UBE2O: variants seen among roughly 807,000 people sequenced by gnomAD.
The protein encoded by UBE2O is ubiquitin conjugating enzyme E2 O, also known as (E3-independent) E2 ubiquitin-conjugating enzyme.
A neutral mutation model predicts 125.8 loss-of-function variants in UBE2O; 15 were observed. The observed-to-expected ratio is 0.12, with a 90% CI of 0.08 to 0.18. UBE2O has a LOEUF of 0.18. Among genes scored for constraint, UBE2O ranks in the 10% least tolerant of loss-of-function variants. UBE2O has a pLI of 1.00. For missense variants in UBE2O, 1,280 were observed against 1,723.6 expected (o/e 0.74, Z 4.56); for synonymous variants, 708 against 703.2 (o/e 1.01, Z -0.11).
Position 76,398,337 on chromosome 17 carries a change from TG to T in UBE2O, c.1942del (p.His648ThrfsTer63). ...EDVSVYDIAD[H>X]PDFRFRTTDI... The stretch of plus-strand genomic sequence containing the variant: ...AGTTGTACGGAACCTAAAGTCAGGG[TG>T]GTCAGCAATGTCGTAAACACTCACA... On this transcript the variant is annotated frameshift_variant, in exon 12 of 18. Transcript: ENST00000319380. LOFTEE classifies it high-confidence loss of function. This position sits in a 1 kb window ranked among gnomAD's most constrained non-coding sequence, Gnocchi z 5.4. 6.2e-7 allele frequency: 1 copy of T among 1,614,058 alleles called. No homozygotes were observed. The highest frequency in any genetic ancestry group is 1.3e-5 in the African/African-American group (1 of 74,984).
chr17:76,437,449 C>CAA (rs549634787), intron 1 of UBE2O, among the ~76,000 whole-genome samples: 1,615 of 58,344 alleles, frequency 0.028, 43 homozygotes, highest in African/African-American at 0.087. Flanking sequence ...GATTCCATCT[C>CAA]AAAAAAAAAA....
At position 76,402,624 on chromosome 17, in the gene UBE2O, G is replaced by A. The variant is rs762478509; in HGVS notation, c.664C>T (p.Leu222=). The A allele has an allele frequency of 5.0e-6, 8 of 1,614,144 alleles. No homozygotes were observed. Among genetic ancestry groups the A allele is most frequent in the East Asian group, 2.2e-5 (1 of 44,888 alleles). The change falls in exon 4 of 18, where the codon CTG becomes TTG. Residue 222 remains leucine (L), a synonymous_variant. Transcript: ENST00000319380. The surrounding 1 kb of genome is among the most constrained non-coding windows in gnomAD (Gnocchi z 5.4). The part of the protein sequence containing the change: ...KVYDLKNQII[L]KLSNGARCSM... ...TACCTGGCGCCGTTGGATAGCTTCAGGATGATCTGGTTCTTCAAGTCGTAG... is the reference window on the plus strand; with the variant it reads ...TACCTGGCGCCGTTGGATAGCTTCAAGATGATCTGGTTCTTCAAGTCGTAG...
At chr17:76,414,973 A>C (rs899474901) in intron 1 of UBE2O, among the ~76,000 whole-genome samples, 2 of 152,230 alleles carry the variant, frequency 1.3e-5, no homozygotes, top group Non-Finnish European at 2.9e-5. Context: ...CTCCTTCCTC[A>C]AAAGTATAAG....
rs1048911238 is a variant in UBE2O, at chr17:76,405,874, C to G, written c.418-302G>C. 2.0e-5 allele frequency among the ~76,000 whole-genome samples: 3 copies of G among 152,206 alleles called. No individual in the cohort carries two copies. Among genetic ancestry groups the G allele is most frequent in the Admixed American group, 2.0e-4 (3 of 15,292 alleles). On this transcript the variant is annotated intron_variant, in intron 1 of 17. Transcript: ENST00000319380. This position sits in a 1 kb window ranked among gnomAD's most constrained non-coding sequence, Gnocchi z 6.1. Reference sequence around the variant, plus strand: ...TGAACAGTGCAGCTCAATGACAGATCACATAAGGCTGCACTTTAATGAAGG... The same window carrying G: ...TGAACAGTGCAGCTCAATGACAGATGACATAAGGCTGCACTTTAATGAAGG...
At chr17:76,436,993 C>T (rs879462835) in intron 1 of UBE2O, among the ~76,000 whole-genome samples, 3 of 152,062 alleles carry the variant, frequency 2.0e-5, no homozygotes, top group Admixed American at 2.0e-4. Context: ...ACAACAACAA[C>T]AAAACAATTA....
At chr17:76,403,851 C>G (rs531138680) in intron 3 of UBE2O, among the ~76,000 whole-genome samples, 1 of 152,072 alleles carries the variant, frequency 6.6e-6, no homozygotes, top group African/African-American at 2.4e-5. Context: ...CTTAAAAAAC[C>G]AACAAAAAGG....
chr17:76,410,664 G>A lies in UBE2O; in HGVS notation c.418-5092C>T, dbSNP rs1260798347. On this transcript the variant is annotated intron_variant, in intron 1 of 17. Coordinates refer to ENST00000319380, the MANE Select transcript of UBE2O (RefSeq NM_022066.4). The surrounding 1 kb of genome is among the most constrained non-coding windows in gnomAD (Gnocchi z 4.0). ...ACGTGGCAGGAGGCTGGGCACTTCTGTTGTGCCCCATTTGAGCTCCCCGAA... is the reference window on the plus strand; with the variant it reads ...ACGTGGCAGGAGGCTGGGCACTTCTATTGTGCCCCATTTGAGCTCCCCGAA... Among the ~76,000 whole-genome samples the A allele has an allele frequency of 6.6e-6, 1 of 152,162 alleles. No individual in the cohort carries two copies. Among genetic ancestry groups the A allele is most frequent in the African/African-American group, 2.4e-5 (1 of 41,440 alleles).
In UBE2O at chr17:76,395,938, G is replaced by A. The variant is rs1314813504; in HGVS notation, c.2810-77C>T. On this transcript the variant is annotated intron_variant, in intron 14 of 17. Coordinates refer to ENST00000319380, the MANE Select transcript of UBE2O (RefSeq NM_022066.4). The surrounding 1 kb of genome is among the most constrained non-coding windows in gnomAD (Gnocchi z 5.0). ...CATCTGCCAACCTGGCTGGACAGGT[G>A]AGCACACCCACAGACTTCCCACTCG... 1.3e-6 allele frequency: 2 copies of A among 1,586,404 alleles called. No homozygotes were observed. Among genetic ancestry groups the A allele is most frequent in the Admixed American group, 3.4e-5 (2 of 58,194 alleles).
At chr17:76,418,136 C>T (rs1294592600) in intron 1 of UBE2O, among the ~76,000 whole-genome samples, 3 of 152,116 alleles carry the variant, frequency 2.0e-5, no homozygotes, top group African/African-American at 7.2e-5. Flanking sequence ...CCCTGGGACG[C>T]CCTGAAGAAG....
rs755114691 is a variant in UBE2O, at chr17:76,391,391, G to T, written c.3431C>A (p.Ser1144Tyr). 1.2e-6 allele frequency: 2 copies of T among 1,613,434 alleles called. No individual in the cohort carries two copies. Among genetic ancestry groups the T allele is most frequent in the South Asian group, 2.2e-5 (2 of 91,082 alleles). ...GGWRLVNRIE[S>Y]WLETHALLEK... ...CAGCAGGGCATGGGTTTCCAGCCAG[G>T]ACTCGATACGGTTCACCAGCCGCCA... is the stretch of plus-strand genomic sequence containing the variant. The change falls in exon 18 of 18, where the codon TCC becomes TAC. Residue 1144 changes from serine to tyrosine, a missense_variant. This residue lies in a region of UBE2O where 233 missense variants were observed against 279.0 expected (regional missense o/e 0.84). Transcript: ENST00000319380. The surrounding 1 kb of genome is among the most constrained non-coding windows in gnomAD (Gnocchi z 8.4).
chr17:76,409,674 G>GTT (rs1476685588), intron 1 of UBE2O, among the ~76,000 whole-genome samples: 1 of 152,168 alleles, frequency 6.6e-6, no homozygotes, highest in Admixed American at 6.5e-5. Context: ...GATTACAGGC[G>GTT]TGAGCCACCG....
chr17:76,408,649 ACT>A (rs936483122), intron 1 of UBE2O, among the ~76,000 whole-genome samples: 38 of 152,362 alleles, frequency 2.5e-4, no homozygotes, highest in African/African-American at 7.7e-4. Context: ...AATGGTGGCC[ACT>A]GACTGCGGAT....
Position 76,396,854 on chromosome 17 carries a change from G to T in UBE2O, c.2116-33C>A, listed in dbSNP as rs1378219194. The T allele has an allele frequency of 2.6e-6, 4 of 1,538,842 alleles. No homozygotes were observed. In the East Asian group the frequency reaches 9.1e-5, roughly 35 times the overall value. ...CAGAAGGGAAGTGCCAGGGTAAGCAGACAGGAAGTCACCTCCCCACCACTA... is the reference window on the plus strand; with the variant it reads ...CAGAAGGGAAGTGCCAGGGTAAGCATACAGGAAGTCACCTCCCCACCACTA... On this transcript the variant is annotated intron_variant, in intron 13 of 17. Transcript: ENST00000319380. The surrounding 1 kb of genome is among the most constrained non-coding windows in gnomAD (Gnocchi z 6.7).
In UBE2O at chr17:76,452,052, T is replaced by C. The variant is rs2073254479; in HGVS notation, c.417+673A>G. On this transcript the variant is annotated intron_variant, in intron 1 of 17. Coordinates refer to ENST00000319380, the MANE Select transcript of UBE2O (RefSeq NM_022066.4). The surrounding 1 kb of genome is among the most constrained non-coding windows in gnomAD (Gnocchi z 4.4). Reference sequence around the variant, plus strand: ...GATTATTTTTTTCAAGGAGTCCATATGCACTTAGGAGTCATCAATCCCGGT... The same window carrying C: ...GATTATTTTTTTCAAGGAGTCCATACGCACTTAGGAGTCATCAATCCCGGT... Among the ~76,000 whole-genome samples the C allele has an allele frequency of 1.3e-5, 2 of 152,062 alleles. No individual in the cohort carries two copies. The highest frequency in any genetic ancestry group is 4.8e-5 in the African/African-American group (2 of 41,378).
chr17:76,400,640 G>T lies in UBE2O; in HGVS notation c.895-90C>A. 1 of 843,568 alleles carries T rather than the reference G, an allele frequency of 1.2e-6. No individual in the cohort carries two copies. The highest frequency in any genetic ancestry group is 1.9e-6 in the Non-Finnish European group (1 of 538,626). The allele number at this position is 843,568 out of a possible 1,614,324, so 52.3% of individuals were successfully genotyped here. A position where few individuals can be genotyped will look rare whatever the true frequency, so the allele number is the denominator to read the frequency against. On this transcript the variant is annotated intron_variant, in intron 6 of 17. Transcript: ENST00000319380. This position sits in a 1 kb window ranked among gnomAD's most constrained non-coding sequence, Gnocchi z 4.3. ...GCCCAAAGCCCACTTGACCTCCAGA[G>T]CAGGAAACTGATCTTCCTAGTGCAG...
chr17:76,416,096 T>G (rs2072608355), intron 1 of UBE2O, among the ~76,000 whole-genome samples: 1 of 151,538 alleles, frequency 6.6e-6, no homozygotes, highest in African/African-American at 2.4e-5. Flanking sequence ...TACATACATG[T>G]ATATGCGTAT....
chr17:76,426,320 C>CT (rs1486598472), intron 1 of UBE2O, among the ~76,000 whole-genome samples: 7 of 152,148 alleles, frequency 4.6e-5, no homozygotes, highest in Non-Finnish European at 8.8e-5. Flanking sequence ...TTTTTCTACT[C>CT]TACTTGACGT....
Position 76,400,936 on chromosome 17 carries a change from A to G in UBE2O, c.894+75T>C. ...CGGGGCTCAACCCTCAAGAGCAGGA[A>G]GGAAAGGGGCAGCAGCTCAGCTCCA... On this transcript the variant is annotated intron_variant, in intron 6 of 17. Transcript: ENST00000319380. The surrounding 1 kb of genome is among the most constrained non-coding windows in gnomAD (Gnocchi z 4.3). The G allele has an allele frequency of 6.4e-7, 1 of 1,559,592 alleles. No homozygotes were observed. The highest frequency in any genetic ancestry group is 1.2e-5 in the South Asian group (1 of 86,794).
At chr17:76,423,693 A>AAAT (rs2072747530) in intron 1 of UBE2O, among the ~76,000 whole-genome samples, 6 of 135,896 alleles carry the variant, frequency 4.4e-5, no homozygotes, top group African/African-American at 1.4e-4. Flanking sequence ...ACTCCATCTC[A>AAAT]AAATAAATAA....
Sources: gnomAD v4.1 joint callset for allele counts (sites outside exome capture counted in the v4.1 genomes callset) on GRCh38, gnomAD v4.1.1 for gene constraint, gnomAD v4.1.1 regional missense constraint, Gnocchi (gnomAD v3.1) non-coding constraint, MANE v1.5 for transcripts, NCBI Gene and HGNC (gene_info 2026-07-23, HGNC 2026-07-21) for gene names.